Variants in TRPC4 observed in about 807,000 individuals in gnomAD.
TRPC4 encodes transient receptor potential cation channel subfamily C member 4, also known as short transient receptor potential channel 4.
In TRPC4, 49 loss-of-function variants were observed where a neutral mutation model predicts 99.4. The ratio of observed to expected loss-of-function variants is 0.49; its 90% CI spans 0.39 to 0.63. The LOEUF (loss-of-function observed/expected upper bound fraction) is 0.63, where lower values mean the gene tolerates loss of function less well. Ranked by LOEUF, TRPC4 falls within the 20% of genes least tolerant of loss-of-function variation. The pLI, the probability that TRPC4 is intolerant of heterozygous loss-of-function variation, is 0.00. For synonymous variants in TRPC4, 454 were observed against 425.9 expected, an observed-to-expected ratio of 1.07 and a Z score of -0.81; for missense variants, 898 against 1,152.9, an observed-to-expected ratio of 0.78 and a Z score of 3.20.
intron 1 of TRPC4, among the ~76,000 whole-genome samples, chr13:37,804,088 G>T (rs186469888): frequency 2.2e-4 from 33 of 152,188 alleles, no homozygotes; most frequent in African/African-American, 7.2e-4. Flanking sequence ...TGATGGTCCG[G>T]ATCTTTAAGT....
At chr13:37,707,609 T>C (rs1340997719) in intron 3 of TRPC4, among the ~76,000 whole-genome samples, 3 of 152,140 alleles carry the variant, frequency 2.0e-5, no homozygotes, top group Admixed American at 6.6e-5. Flanking sequence ...CCTATGTCAG[T>C]ACTAATATCC....
chr13:37,669,901 G>T (rs1238764375), intron 5 of TRPC4, among the ~76,000 whole-genome samples: 1 of 152,098 alleles, frequency 6.6e-6, no homozygotes, highest in East Asian at 1.9e-4. Flanking sequence ...GAACTGAATT[G>T]CATCTCCCCA....
intron 1 of TRPC4, among the ~76,000 whole-genome samples, chr13:37,812,344 GAA>G (rs139079433): frequency 2.0e-5 from 3 of 150,850 alleles, no homozygotes; most frequent in African/African-American, 7.3e-5. Flanking sequence ...ATATAAGTAT[GAA>G]AAAAAATACA....
At chr13:37,767,696 G>A (rs987020638) in intron 2 of TRPC4, among the ~76,000 whole-genome samples, 3 of 151,300 alleles carry the variant, frequency 2.0e-5, no homozygotes, top group Admixed American at 6.6e-5. Flanking sequence ...TAAGACCTTT[G>A]ATGTTTGACT....
At chr13:37,807,487 C>T (rs914449814) in intron 1 of TRPC4, among the ~76,000 whole-genome samples, 2 of 152,002 alleles carry the variant, frequency 1.3e-5, no homozygotes, top group South Asian at 4.1e-4. Flanking sequence ...CAGCATATTA[C>T]ATCTGGGTCA....
chr13:37,663,989 T>C (rs879465668), intron 5 of TRPC4, among the ~76,000 whole-genome samples: 4 of 152,220 alleles, frequency 2.6e-5, no homozygotes, highest in African/African-American at 4.8e-5. Flanking sequence ...TCCTCTCTGC[T>C]ATGTCCTAAA....
chr13:37,759,403 T>C (rs1464967869), intron 2 of TRPC4, among the ~76,000 whole-genome samples: 1 of 151,846 alleles, frequency 6.6e-6, no homozygotes, highest in African/African-American at 2.4e-5. Context: ...CATATTTTGT[T>C]ATACAATTCT....
At chr13:37,864,669 C>A (rs1231516222) in intron 1 of TRPC4, among the ~76,000 whole-genome samples, 1 of 151,590 alleles carries the variant, frequency 6.6e-6, no homozygotes, top group East Asian at 1.9e-4. Flanking sequence ...CTGTCTAGAT[C>A]TGGAGACAGA....
At position 37,737,226 on chromosome 13, in the gene TRPC4, G is replaced by GTAATAATAA. The variant is rs141469952; in HGVS notation, c.897+8702_897+8710dup. Among the ~76,000 whole-genome samples, 5 of 148,378 alleles carry GTAATAATAA rather than the reference G, an allele frequency of 3.4e-5. No individual in the cohort carries two copies. The East Asian group carries it at 6.0e-4, about 18-fold the overall frequency. On this transcript the variant is annotated intron_variant, in intron 3 of 10. Coordinates refer to ENST00000379705, the MANE Select transcript of TRPC4 (RefSeq NM_016179.4). ...GGGACCCAGGAACAGACAAAAAATA[G>GTAATAATAA]TAATAATAATAATAATAATAATAAT... is the stretch of plus-strand genomic sequence containing the variant.
intron 1 of TRPC4, among the ~76,000 whole-genome samples, chr13:37,823,634 T>C (rs916326538): frequency 6.6e-6 from 1 of 151,422 alleles, no homozygotes; most frequent in African/African-American, 2.4e-5. Flanking sequence ...GATCTATATC[T>C]CTGTTTTGGT....
chr13:37,847,125 A>G (rs1314917030), intron 1 of TRPC4, among the ~76,000 whole-genome samples: 1 of 152,076 alleles, frequency 6.6e-6, no homozygotes, highest in Non-Finnish European at 1.5e-5. Flanking sequence ...ACTTTTAAAA[A>G]TAGAGCATCT....
chr13:37,815,864 T>A (rs1191186846), intron 1 of TRPC4, among the ~76,000 whole-genome samples: 1 of 149,166 alleles, frequency 6.7e-6, no homozygotes, highest in East Asian at 2.0e-4. Flanking sequence ...AATCCAATTG[T>A]ACCTGAAACA....
At chr13:37,701,924 C>G (rs930077959) in intron 3 of TRPC4, among the ~76,000 whole-genome samples, 15 of 152,052 alleles carry the variant, frequency 9.9e-5, no homozygotes, top group Non-Finnish European at 2.2e-4. Flanking sequence ...TAAAAAGTAC[C>G]ATAAATTAGG....
At chr13:37,721,983 A>AATTTT (rs1424329845) in intron 3 of TRPC4, among the ~76,000 whole-genome samples, 3 of 152,152 alleles carry the variant, frequency 2.0e-5, no homozygotes, top group African/African-American at 7.2e-5. Flanking sequence ...CTTATTCAAG[A>AATTTT]ATTACCATTA....
At chr13:37,718,903 T>A (rs1333696509) in intron 3 of TRPC4, among the ~76,000 whole-genome samples, 1 of 151,916 alleles carries the variant, frequency 6.6e-6, no homozygotes, top group African/African-American at 2.4e-5. Context: ...TTGAAATACA[T>A]AAATTTACGG....
intron 2 of TRPC4, among the ~76,000 whole-genome samples, chr13:37,754,015 C>A (rs992863829): frequency 1.3e-5 from 2 of 152,076 alleles, no homozygotes; most frequent in East Asian, 1.9e-4. Flanking sequence ...CAGCGAAAAG[C>A]TATGACTCAG....
intron 2 of TRPC4, 111 bp from the exon 3 acceptor site, chr13:37,746,566 G>C (rs1330054639): frequency 8.3e-5 from 67 of 807,808 alleles, no homozygotes; most frequent in Non-Finnish European, 1.0e-4. Flanking sequence ...TCCTTGGCCG[G>C]GTTTTTTTTT....
intron 2 of TRPC4, among the ~76,000 whole-genome samples, chr13:37,782,417 T>C (rs1254969970): frequency 6.6e-6 from 1 of 152,142 alleles, no homozygotes; most frequent in African/African-American, 2.4e-5. Context: ...AGTAATCCTT[T>C]TTGTTTCTTT....
At chr13:37,729,955 C>G (rs1311109749) in intron 3 of TRPC4, among the ~76,000 whole-genome samples, 1 of 151,952 alleles carries the variant, frequency 6.6e-6, no homozygotes, top group Admixed American at 6.6e-5. Flanking sequence ...CAACTACACA[C>G]ACAAAATGGT....
Sources: allele counts gnomAD v4.1 joint callset (sites outside exome capture counted in the v4.1 genomes callset), GRCh38; gene constraint gnomAD v4.1.1; transcripts MANE v1.5; gene names NCBI Gene and HGNC (gene_info 2026-07-23, HGNC 2026-07-21).